ZNF385D: variants seen among roughly 807,000 people sequenced by gnomAD.
ZNF385D encodes zinc finger protein 385D, also known as zinc finger protein 659.
A neutral mutation model predicts 35.8 loss-of-function variants in ZNF385D; 15 were observed. The observed-to-expected ratio is 0.42, with a 90% CI of 0.28 to 0.64. The LOEUF is 0.64. Among genes scored for constraint, ZNF385D ranks in the 30% least tolerant of loss-of-function variants. The pLI is 0.23. For missense variants in ZNF385D, 474 were observed against 494.6 expected (o/e 0.96, Z 0.39); for synonymous variants, 212 against 186.8 (o/e 1.13, Z -1.10).
chr3:21,433,999 T>C (rs1701428612), intron 5 of ZNF385D, among the ~76,000 whole-genome samples: 1 of 152,190 alleles, frequency 6.6e-6, no homozygotes, highest in African/African-American at 2.4e-5. Flanking sequence ...CCCTGCGGTA[T>C]TACATCTTTT....
intron 3 of ZNF385D, among the ~76,000 whole-genome samples, chr3:21,553,473 A>G (rs2062631451): frequency 6.6e-6 from 1 of 152,196 alleles, no homozygotes. Context: ...TCAGCAAGAC[A>G]TAATGTTTTT....
In ZNF385D at chr3:22,273,028, ATTAT is replaced by A. The variant is rs149595965; in HGVS notation, c.106+99418_106+99421del. On this transcript the variant is annotated intron_variant, in intron 2 of 5. Transcript: ENST00000494108. The stretch of plus-strand genomic sequence containing the variant: ...ATGCTTTTATGCTATAACTAGGATC[ATTAT>A]TTAACTCACAAATTTTAAAAAGCCA... Among the ~76,000 whole-genome samples the A allele has an allele frequency of 2.7e-3, 401 of 150,256 alleles. 3 individuals are homozygous for A. The highest frequency in any genetic ancestry group is 4.7e-3 in the Non-Finnish European group (316 of 67,942).
intron 2 of ZNF385D, among the ~76,000 whole-genome samples, chr3:22,285,573 G>T (rs947875165): frequency 3.9e-5 from 6 of 151,936 alleles, no homozygotes; most frequent in African/African-American, 1.2e-4. Context: ...GGGTACATGT[G>T]CACAACGTGC....
intron 2 of ZNF385D, among the ~76,000 whole-genome samples, chr3:22,344,075 C>T (rs1695541708): frequency 6.6e-6 from 1 of 151,112 alleles, no homozygotes; most frequent in Admixed American, 6.6e-5. Context: ...GAACTAATTG[C>T]ATATATTGTA....
intron 2 of ZNF385D, among the ~76,000 whole-genome samples, chr3:22,296,783 T>C (rs914945628): frequency 1.3e-5 from 2 of 152,110 alleles, no homozygotes; most frequent in Non-Finnish European, 2.9e-5. Context: ...CAGCATAGTG[T>C]CTGTCTTGAG....
intron 3 of ZNF385D, among the ~76,000 whole-genome samples, chr3:21,997,772 G>A (rs981146012): frequency 2.0e-5 from 3 of 151,898 alleles, no homozygotes; most frequent in Non-Finnish European, 1.5e-5. Context: ...TATAAAGTAG[G>A]AATGTGTTAA....
intron 2 of ZNF385D, among the ~76,000 whole-genome samples, chr3:21,581,585 G>A (rs777394802): frequency 9.2e-5 from 14 of 152,082 alleles, no homozygotes; most frequent in African/African-American, 2.9e-4. Flanking sequence ...CACCCTAGTC[G>A]ATTGTCAATC....
intron 3 of ZNF385D, among the ~76,000 whole-genome samples, chr3:21,871,488 T>C (rs906599043): frequency 2.6e-5 from 4 of 152,180 alleles, no homozygotes; most frequent in African/African-American, 9.6e-5. Flanking sequence ...TATTAATTGC[T>C]CCATTTCCAT....
At chr3:22,216,796 C>A (rs1287281683) in intron 2 of ZNF385D, among the ~76,000 whole-genome samples, 1 of 152,044 alleles carries the variant, frequency 6.6e-6, no homozygotes, top group Non-Finnish European at 1.5e-5. Context: ...GAGGTCTCGT[C>A]AATGAAAAAT....
Position 22,280,366 on chromosome 3 carries a change from G to GTT in ZNF385D, c.106+92082_106+92083dup, listed in dbSNP as rs536746722. 6.3e-3 allele frequency among the ~76,000 whole-genome samples: 892 copies of GTT among 141,024 alleles called. 8 individuals carry two copies. The highest frequency in any genetic ancestry group is 0.021 in the African/African-American group (824 of 38,940). The allele number at this position is 141,024 out of a possible 152,430, so 92.5% of individuals were successfully genotyped here. ...TTTGCCTAAGCCATTGTCTAGAAGG[G>GTT]TTTTTTTTTTTTTTACTGTTATCTG... On this transcript the variant is annotated intron_variant, in intron 2 of 5. Transcript: ENST00000494108.
At chr3:21,662,729 T>C (rs1033338383) in intron 2 of ZNF385D, among the ~76,000 whole-genome samples, 1 of 152,176 alleles carries the variant, frequency 6.6e-6, no homozygotes, top group African/African-American at 2.4e-5. Context: ...AGAGGGCCTC[T>C]TGGTTTAAGT....
chr3:21,873,955 G>GC (rs762751625), intron 3 of ZNF385D, among the ~76,000 whole-genome samples: 13 of 150,376 alleles, frequency 8.6e-5, no homozygotes, highest in Non-Finnish European at 1.5e-4. Flanking sequence ...ACATGAGTAA[G>GC]CAAGTATCTC....
At chr3:22,062,970 A>C (rs1455738372) in intron 3 of ZNF385D, among the ~76,000 whole-genome samples, 4 of 152,186 alleles carry the variant, frequency 2.6e-5, no homozygotes, top group Non-Finnish European at 5.9e-5. Flanking sequence ...AGAAATTCTA[A>C]GCCAGAACCA....
intron 1 of ZNF385D, among the ~76,000 whole-genome samples, chr3:21,707,860 A>G (rs1457361567): frequency 6.6e-6 from 1 of 152,190 alleles, no homozygotes; most frequent in Non-Finnish European, 1.5e-5. Flanking sequence ...AAAATTTTAG[A>G]AGATGAGAAG....
intron 4 of ZNF385D, among the ~76,000 whole-genome samples, chr3:21,446,775 G>C (rs1266189907): frequency 7.0e-6 from 1 of 141,996 alleles, no homozygotes; most frequent in African/African-American, 2.6e-5. Context: ...TTACAAGCGT[G>C]AGCCACCGTG....
intron 2 of ZNF385D, among the ~76,000 whole-genome samples, chr3:21,621,851 C>A (rs1252452243): frequency 7.2e-6 from 1 of 138,406 alleles, no homozygotes; most frequent in Admixed American, 7.5e-5. Flanking sequence ...AGTGTTCCTT[C>A]CAACCTGTTA....
intron 2 of ZNF385D, among the ~76,000 whole-genome samples, chr3:22,180,221 C>T (rs963886972): frequency 4.6e-5 from 7 of 152,108 alleles, no homozygotes; most frequent in South Asian, 2.1e-4. Flanking sequence ...ATACACCCTC[C>T]GAAGACTAAA....
chr3:22,175,813 A>G (rs1488211938), intron 2 of ZNF385D, among the ~76,000 whole-genome samples: 1 of 150,866 alleles, frequency 6.6e-6, no homozygotes, highest in African/African-American at 2.4e-5. Flanking sequence ...ATACATATAT[A>G]TATAAATCAA....
Position 21,417,511 on chromosome 3 carries a change from C to T in ZNF385D, c.*3703G>A, listed in dbSNP as rs1280974606. ...TCTAAAGAAACAGGCCTATATACCA[C>T]TTCAGTTACCTTTTAGCTTTCTGAT... On this transcript the variant is annotated 3_prime_UTR_variant, in exon 8 of 8. Transcript: ENST00000281523. 6.6e-6 allele frequency: 1 copy of T among 152,102 alleles called. No homozygotes were observed. Among genetic ancestry groups the T allele is most frequent in the Admixed American group, 6.5e-5 (1 of 15,268 alleles). The allele number at this position is 152,102 out of a possible 1,614,324, so 9.4% of individuals were successfully genotyped here.
Sources: gnomAD v4.1 joint callset for allele counts (sites outside exome capture counted in the v4.1 genomes callset) on GRCh38, gnomAD v4.1.1 for gene constraint, MANE v1.5 for transcripts, NCBI Gene and HGNC (gene_info 2026-07-23, HGNC 2026-07-21) for gene names.